USP37: variants seen among roughly 807,000 people sequenced by gnomAD.
USP37 encodes ubiquitin carboxyl-terminal hydrolase 37.
Under a neutral mutation model 124.0 loss-of-function variants are expected in USP37, and 27 were observed. The observed-to-expected ratio is 0.22, with a 90% confidence interval of 0.16 to 0.30. The LOEUF (loss-of-function observed/expected upper bound fraction) is 0.30, where lower values mean the gene tolerates loss of function less well. USP37 is among the 10% of genes least tolerant of loss of function. USP37 has a pLI of 1.00. For synonymous variants in USP37, 365 were observed against 388.0 expected (o/e 0.94, Z 0.70); for missense variants, 889 against 1,140.4 (o/e 0.78, Z 3.17).
intron 20 of USP37, among the ~76,000 whole-genome samples, 175 bp downstream of exon 20, chr2:218,474,455 G>A (rs1690853906): frequency 6.6e-6 from 1 of 152,038 alleles, no homozygotes. Flanking sequence ...TCCGCCTCCC[G>A]GTTCAAGCGA....
At chr2:218,539,138 T>C (rs1383486609) in intron 8 of USP37, among the ~76,000 whole-genome samples, 2 of 151,866 alleles carry the variant, frequency 1.3e-5, no homozygotes, top group Non-Finnish European at 2.9e-5. Flanking sequence ...CAGCTAATTT[T>C]TGTAGAGATG....
intron 21 of USP37, among the ~76,000 whole-genome samples, chr2:218,465,096 A>G (rs664514): frequency 0.66 from 100,737 of 152,052 alleles, 33,825 homozygotes; most frequent in East Asian, 0.9. Context: ...AAACAGGAAG[A>G]CAGATAAATG....
intron 5 of USP37, among the ~76,000 whole-genome samples, chr2:218,552,727 C>T (rs188481519): frequency 4.6e-5 from 7 of 152,190 alleles, no homozygotes; most frequent in Non-Finnish European, 8.8e-5. Flanking sequence ...GATTTTTTTA[C>T]AGGACTCATT....
chr2:218,558,842 A>G (rs1693166520), intron 3 of USP37, 165 bp from the exon 4 acceptor site: 1 of 460,724 alleles, frequency 2.2e-6, no homozygotes, highest in African/African-American at 2.0e-5. Context: ...ATTAGTGCCT[A>G]AATTCTACAT....
At chr2:218,553,427 A>T (rs62193785) in intron 5 of USP37, 126 bp downstream of exon 5, 26,573 of 838,888 alleles carry the variant, frequency 0.032, 539 homozygotes, top group Non-Finnish European at 0.035. Context: ...TTCAGGAATA[A>T]ATCTTATTTG....
intron 15 of USP37, among the ~76,000 whole-genome samples, chr2:218,486,768 C>T (rs187830723): frequency 0.016 from 2,431 of 152,098 alleles, 72 homozygotes; most frequent in African/African-American, 0.056. Flanking sequence ...CTCTGTCGCC[C>T]AGGCTGGAGT....
chr2:218,531,888 T>A (rs779338824), intron 9 of USP37, among the ~76,000 whole-genome samples: 4 of 152,234 alleles, frequency 2.6e-5, no homozygotes, highest in Admixed American at 6.5e-5. Context: ...AATCTCATGA[T>A]CAGACTTTAA....
intron 8 of USP37, among the ~76,000 whole-genome samples, chr2:218,535,890 G>A (rs1166572773): frequency 3.3e-5 from 5 of 150,652 alleles, no homozygotes; most frequent in Admixed American, 6.6e-5. Flanking sequence ...GGTGGCAGGC[G>A]TCTGTGATCC....
At chr2:218,486,871 G>A (rs951170743) in intron 15 of USP37, among the ~76,000 whole-genome samples, 10 of 151,740 alleles carry the variant, frequency 6.6e-5, no homozygotes, top group African/African-American at 2.2e-4. Context: ...GACTACAGGC[G>A]CCCGCCACCA....
chr2:218,525,423 G>T (rs79940801), intron 10 of USP37, among the ~76,000 whole-genome samples: 3,281 of 152,322 alleles, frequency 0.022, 120 homozygotes, highest in African/African-American at 0.073. Flanking sequence ...GGCTGAGGCT[G>T]CAGTGAGCCA....
At chr2:218,553,240 C>A (rs532491409) in intron 5 of USP37, among the ~76,000 whole-genome samples, 4 of 152,162 alleles carry the variant, frequency 2.6e-5, no homozygotes, top group African/African-American at 7.2e-5. Context: ...ACCTTTATTA[C>A]GCTGAGTCGT....
At position 218,455,711 on chromosome 2, in the gene USP37, G is replaced by A; in HGVS notation, c.2721C>T (p.Tyr907=). The change falls in exon 25 of 26, where the codon TAC becomes TAT. Residue 907 remains tyrosine, a synonymous_variant. Coordinates refer to ENST00000258399, the MANE Select transcript of USP37 (RefSeq NM_020935.3). ...TCTTAATGTCATATACATCACTAAT[G>A]TAATGACCTGAAACAAATAACATCT... ...HIGSTSSSGH[Y]ISDVYDIKKQ... 1.2e-6 allele frequency: 2 copies of A among 1,611,094 alleles called. No homozygotes were observed. Among genetic ancestry groups the A allele is most frequent in the Non-Finnish European group, 8.5e-7 (1 of 1,179,202 alleles).
At chr2:218,501,506 T>C (rs961211543) in intron 11 of USP37, among the ~76,000 whole-genome samples, 3 of 152,122 alleles carry the variant, frequency 2.0e-5, no homozygotes, top group African/African-American at 7.2e-5. Context: ...ATGAGAAAAC[T>C]GGACAAAATA....
At chr2:218,523,876 C>G (rs1251763739) in intron 10 of USP37, among the ~76,000 whole-genome samples, 1 of 152,174 alleles carries the variant, frequency 6.6e-6, no homozygotes, top group African/African-American at 2.4e-5. Context: ...TTGGCTAAAA[C>G]CTTCAGAACA....
intron 8 of USP37, among the ~76,000 whole-genome samples, chr2:218,543,806 AAAAAAAC>A (rs371146254): frequency 2.5e-3 from 363 of 145,200 alleles, no homozygotes; most frequent in African/African-American, 8.0e-3. Flanking sequence ...ACTCCGTCTC[AAAAAAAC>A]AAAAAACAAA....
At chr2:218,513,828 G>A (rs575829638) in intron 10 of USP37, among the ~76,000 whole-genome samples, 1 of 152,006 alleles carries the variant, frequency 6.6e-6, no homozygotes, top group Non-Finnish European at 1.5e-5. Flanking sequence ...TTTATTTTTT[G>A]AGACAGGGTC....
At chr2:218,560,469 A>C (rs1286843110) in intron 3 of USP37, among the ~76,000 whole-genome samples, 2 of 152,224 alleles carry the variant, frequency 1.3e-5, no homozygotes, top group Non-Finnish European at 2.9e-5. Context: ...CTCAGCAGAC[A>C]GCAGTAATTA....
At chr2:218,524,810 A>G (rs1690865015) in intron 10 of USP37, among the ~76,000 whole-genome samples, 1 of 152,162 alleles carries the variant, frequency 6.6e-6, no homozygotes, top group Non-Finnish European at 1.5e-5. Context: ...GCGTTTCGCC[A>G]TGTTGGCCAG....
intron 11 of USP37, among the ~76,000 whole-genome samples, chr2:218,504,781 C>G (rs1386580641): frequency 6.6e-6 from 1 of 152,100 alleles, no homozygotes; most frequent in African/African-American, 2.4e-5. Context: ...GAGACAGGGT[C>G]TTACTATGTT....
Sources: allele counts gnomAD v4.1 joint callset (sites outside exome capture counted in the v4.1 genomes callset), GRCh38; gene constraint gnomAD v4.1.1; transcripts MANE v1.5; gene names NCBI Gene and HGNC (gene_info 2026-07-23, HGNC 2026-07-21).